The following CFAP61 variants were observed in gnomAD, a reference collection of about 807,000 sequenced individuals.
The protein encoded by CFAP61 is cilia- and flagella-associated protein 61.
Under a neutral mutation model 135.6 loss-of-function variants are expected in CFAP61, and 107 were observed. That is an observed-to-expected ratio of 0.79 (90% confidence interval 0.67 to 0.93). The LOEUF is 0.93. Ranked by LOEUF, CFAP61 falls within the 40% of genes least tolerant of loss-of-function variation. The probability of loss-of-function intolerance (pLI) is 0.00; values close to 1 mark genes in which losing one functional copy is unlikely to be tolerated. For missense variants in CFAP61, 1,507 were observed against 1,556.2 expected, an observed-to-expected ratio of 0.97 and a Z score of 0.53; for synonymous variants, 575 against 578.5, an observed-to-expected ratio of 0.99 and a Z score of 0.09.
rs115264608 is a variant in CFAP61, at chr20:20,060,263, A to G, written c.143+3467A>G. Among the ~76,000 whole-genome samples, 1,129 of 152,280 alleles carry G rather than the reference A, an allele frequency of 7.4e-3. 20 individuals carry two copies. The highest frequency in any genetic ancestry group is 0.026 in the African/African-American group (1,079 of 41,548). ...TCCTAGGGGACCTGGGAGAAAATAA[A>G]TGCATTTTCTGACAAACAAAAACCT... On this transcript the variant is annotated intron_variant, in intron 2 of 26. Transcript: ENST00000245957.
chr20:20,130,824 G>A (rs981122182), intron 8 of CFAP61, among the ~76,000 whole-genome samples: 1 of 151,942 alleles, frequency 6.6e-6, no homozygotes, highest in South Asian at 2.1e-4. Flanking sequence ...GTCTCCTTTG[G>A]TTGAGTTACA....
In CFAP61 at chr20:20,244,217, G is replaced by C. The variant is rs540637358; in HGVS notation, c.2061-1900G>C. Among the ~76,000 whole-genome samples, 19 of 152,238 alleles carry C rather than the reference G, an allele frequency of 1.2e-4. No individual in the cohort carries two copies. The South Asian group carries it at 3.5e-3, about 28-fold the overall frequency. ...GGAGGAGGGTGGCCCTCTTCTCACA[G>C]CTCCACTAGAAGTGCCCCAGTAGGG... On this transcript the variant is annotated intron_variant, in intron 18 of 26. Coordinates refer to ENST00000245957, the MANE Select transcript of CFAP61 (RefSeq NM_015585.4).
At chr20:20,149,517 G>A (rs1322310209) in intron 9 of CFAP61, among the ~76,000 whole-genome samples, 3 of 152,188 alleles carry the variant, frequency 2.0e-5, no homozygotes, top group Admixed American at 6.5e-5. Flanking sequence ...CAAGACAGGC[G>A]AAAACCTGTG....
intron 20 of CFAP61, 51 bp from the exon 21 acceptor site, chr20:20,262,905 C>A: frequency 8.1e-7 from 1 of 1,231,804 alleles, no homozygotes; most frequent in Non-Finnish European, 1.1e-6. Context: ...TAACCACTGT[C>A]ACCACTTTAT....
chr20:20,055,923 A>G (rs1262578484), intron 1 of CFAP61: 4 of 1,556,316 alleles, frequency 2.6e-6, no homozygotes, highest in Admixed American at 1.7e-5. Flanking sequence ...AATGAGAGAG[A>G]AATTGAAATC....
intron 21 of CFAP61, among the ~76,000 whole-genome samples, chr20:20,268,151 G>A (rs1327864176): frequency 6.6e-6 from 1 of 152,212 alleles, no homozygotes; most frequent in Non-Finnish European, 1.5e-5. Context: ...TACTCCCTCA[G>A]TGCTAATTTC....
In CFAP61 at chr20:20,150,105, CT is replaced by C. The variant is rs935306815; in HGVS notation, c.951+7160del. 2.4e-4 allele frequency among the ~76,000 whole-genome samples: 36 copies of C among 152,242 alleles called. 1 individual carries two copies. The highest frequency in any genetic ancestry group is 8.4e-4 in the African/African-American group (35 of 41,542). ...GTGGGGTGAAACCTATTGTTACTGG[CT>C]TTCCCCCACTTCCCTGGTGACAGAG... On this transcript the variant is annotated intron_variant, in intron 9 of 26. Transcript: ENST00000245957.
At chr20:20,317,744 T>C (rs1474482299) in intron 25 of CFAP61, among the ~76,000 whole-genome samples, 1 of 152,094 alleles carries the variant, frequency 6.6e-6, no homozygotes. Context: ...GAGGGCAGAA[T>C]AGAACCCAGC....
chr20:20,300,615 T>G (rs1435812104), intron 25 of CFAP61, among the ~76,000 whole-genome samples: 10 of 151,932 alleles, frequency 6.6e-5, no homozygotes, highest in South Asian at 4.2e-4. Flanking sequence ...TTGTTTTTTT[T>G]TTTTTTTGAG....
chr20:20,069,579 G>A (rs1467655704), intron 2 of CFAP61, among the ~76,000 whole-genome samples: 1 of 152,166 alleles, frequency 6.6e-6, no homozygotes, highest in East Asian at 1.9e-4. Context: ...TTCCCGGCCA[G>A]ATTCTAGTTT....
At chr20:20,246,250 T>A in intron 19 of CFAP61, 35 bp downstream of exon 19, 2 of 1,243,196 alleles carry the variant, frequency 1.6e-6, no homozygotes, top group Non-Finnish European at 2.4e-6. Flanking sequence ...TTCTGAGGCC[T>A]AAATGTCCTA....
At chr20:20,323,123 A>T (rs2057597664) in intron 25 of CFAP61, 1 of 985,334 alleles carries the variant, frequency 1.0e-6, no homozygotes, top group South Asian at 4.7e-5. Context: ...CTCGACTTCA[A>T]CTTCTTCCCG....
chr20:20,145,385 A>G (rs1600944859), intron 9 of CFAP61, among the ~76,000 whole-genome samples: 1 of 152,326 alleles, frequency 6.6e-6, no homozygotes, highest in South Asian at 2.1e-4. Flanking sequence ...TCAAAGAGTT[A>G]TATCTAATAA....
At chr20:20,131,631 C>A (rs1487228989) in intron 8 of CFAP61, among the ~76,000 whole-genome samples, 1 of 151,448 alleles carries the variant, frequency 6.6e-6, no homozygotes, top group Non-Finnish European at 1.5e-5. Context: ...AAGTTTATTT[C>A]TTTTCTTTCC....
At chr20:20,268,527 GT>G (rs1428720483) in intron 21 of CFAP61, among the ~76,000 whole-genome samples, 2 of 152,186 alleles carry the variant, frequency 1.3e-5, no homozygotes, top group Non-Finnish European at 2.9e-5. Flanking sequence ...GAACACAGTG[GT>G]TCTGTGATGG....
chr20:20,218,276 C>A (rs1225197105), intron 17 of CFAP61, among the ~76,000 whole-genome samples: 1 of 152,170 alleles, frequency 6.6e-6, no homozygotes, highest in East Asian at 1.9e-4. Flanking sequence ...ATGAATAAGT[C>A]TCACGAGATC....
rs371958521 is a variant in CFAP61 at position 20,197,802 on chromosome 20, C to T, written c.1797+1026C>T. On this transcript the variant is annotated intron_variant, in intron 16 of 26. Transcript: ENST00000245957. ...ACTTGGGGGTGAAGGGATTCAACCA[C>T]TAGAACAGGTAGAAGTTGTCCCGTA... Among the ~76,000 whole-genome samples, 34 of 152,296 alleles carry T rather than the reference C, an allele frequency of 2.2e-4. 1 individual carries two copies. Among genetic ancestry groups the T allele is most frequent in the East Asian group, 2.1e-3 (11 of 5,184 alleles).
At chr20:20,139,329 C>T (rs1410491861) in intron 8 of CFAP61, among the ~76,000 whole-genome samples, 1 of 152,200 alleles carries the variant, frequency 6.6e-6, no homozygotes, top group East Asian at 1.9e-4. Flanking sequence ...GATGCCTGAA[C>T]CTCTAAGCTT....
chr20:20,244,633 T>C (rs538926920), intron 18 of CFAP61, among the ~76,000 whole-genome samples: 1 of 152,354 alleles, frequency 6.6e-6, no homozygotes, highest in South Asian at 2.1e-4. Context: ...GAGGGGCTGC[T>C]GTCTCTGACA....
Sources: gnomAD v4.1 joint callset for allele counts (sites outside exome capture counted in the v4.1 genomes callset) on GRCh38, gnomAD v4.1.1 for gene constraint, MANE v1.5 for transcripts, NCBI Gene and HGNC (gene_info 2026-07-23, HGNC 2026-07-21) for gene names.